Variants in TYR observed in about 807,000 individuals in gnomAD.
The protein encoded by TYR is LB24-AB.
TYR carries 58 observed loss-of-function variants against 51.5 expected under a neutral mutation model. That is an observed-to-expected ratio of 1.13 (90% CI 0.91 to 1.40). The LOEUF is 1.40. TYR is among the 40% of genes most tolerant of loss of function. The pLI, the probability that TYR is intolerant of heterozygous loss-of-function variation, is 0.00. For missense variants in TYR, 732 were observed against 647.4 expected (o/e 1.13, Z -1.42); for synonymous variants, 263 against 235.2 (o/e 1.12, Z -1.08).
chr11:89,244,022 T>C (rs955802582), intron 3 of TYR, among the ~76,000 whole-genome samples: 8 of 152,184 alleles, frequency 5.3e-5, no homozygotes, highest in African/African-American at 1.9e-4. Context: ...GAATTATGCA[T>C]AAATTTTATT....
In TYR at chr11:89,284,907, T is replaced by C. The variant is rs762831445; in HGVS notation, c.1319T>C (p.Ile440Thr). Residue 440 changes from isoleucine to threonine, a missense_variant, in exon 4 of 5, where the codon ATT (isoleucine) becomes ACT (threonine). By Grantham distance (89) the Ile-to-Thr change is moderately conservative (BLOSUM62 -1). Coordinates refer to ENST00000263321, the MANE Select transcript of TYR (RefSeq NM_000372.5). Reference protein sequence around the residue: ...IPLYRNGDFFISSKDLGYDYS... With the variant: ...IPLYRNGDFFTSSKDLGYDYS... ...CTGTACAGAAATGGTGATTTCTTTA[T>C]TTCATCCAAAGATCTGGGCTATGAC... 1.2e-6 allele frequency: 2 copies of C among 1,611,776 alleles called. No homozygotes were observed. The highest frequency in any genetic ancestry group is 3.3e-5 in the Admixed American group (2 of 59,808).
chr11:89,294,795 A>C (rs1944888298), intron 4 of TYR, among the ~76,000 whole-genome samples: 1 of 152,224 alleles, frequency 6.6e-6, no homozygotes, highest in Non-Finnish European at 1.5e-5. Context: ...ACGGTGTTCT[A>C]TTGATAATCG....
At position 89,227,876 on chromosome 11, in the gene TYR, A is replaced by G; in HGVS notation, c.1090A>G (p.Asn364Asp). The G allele has an allele frequency of 1.2e-6, 2 of 1,613,582 alleles. No individual in the cohort carries two copies. The highest frequency in any genetic ancestry group is 1.7e-6 in the Non-Finnish European group (2 of 1,179,710). ...GGATGCCTCTCAAAGCAGCATGCAC[A>G]ATGCCTTGCACATCTATATGAATGG... ...IADASQSSMH[N>D]ALHIYMNGTM... The change falls in exon 3 of 5, where the codon AAT (asparagine) becomes GAT (aspartate). Residue 364 changes from asparagine (N) to aspartate (D), a missense_variant. Asn to Asp is a conservative substitution (Grantham distance 23, BLOSUM62 1). Transcript: ENST00000263321.
rs555826348 is a variant in TYR at position 89,253,994 on chromosome 11, G to C, written c.1184+26024G>C. On this transcript the variant is annotated intron_variant, in intron 3 of 4. Coordinates refer to ENST00000263321, the MANE Select transcript of TYR (RefSeq NM_000372.5). ...ATAGGCTTTTATTACATTGAGGTAT[G>C]TCTCTTGTATGCCAATTTTGATGAA... Among the ~76,000 whole-genome samples the C allele has an allele frequency of 2.0e-5, 3 of 151,736 alleles. No homozygotes were observed. The East Asian group carries it at 5.8e-4, about 29-fold the overall frequency.
intron 2 of TYR, among the ~76,000 whole-genome samples, chr11:89,207,389 A>T (rs1943685793): frequency 6.6e-6 from 1 of 152,114 alleles, no homozygotes; most frequent in Non-Finnish European, 1.5e-5. Context: ...ACTAATTCCT[A>T]AAAAAGCGCA....
chr11:89,240,893 G>C (rs540089028), intron 3 of TYR, among the ~76,000 whole-genome samples: 2 of 152,186 alleles, frequency 1.3e-5, no homozygotes, highest in South Asian at 4.2e-4. Flanking sequence ...TCAGTTTAAG[G>C]TTTGACAAGG....
chr11:89,294,524 G>C (rs1392464958), intron 4 of TYR, among the ~76,000 whole-genome samples: 1 of 152,170 alleles, frequency 6.6e-6, no homozygotes, highest in Non-Finnish European at 1.5e-5. Context: ...CCAGGGTACC[G>C]CGGCACAGGG....
intron 2 of TYR, among the ~76,000 whole-genome samples, chr11:89,219,356 G>A (rs567906748): frequency 6.0e-4 from 90 of 151,240 alleles, no homozygotes; most frequent in South Asian, 1.5e-3. Flanking sequence ...GAGTGCAGTG[G>A]AGCGATCTTG....
chr11:89,222,558 G>A (rs958230098), intron 2 of TYR, among the ~76,000 whole-genome samples: 2 of 152,062 alleles, frequency 1.3e-5, no homozygotes, highest in African/African-American at 4.8e-5. Context: ...GGCCAACATG[G>A]GGAATCCCCA....
At chr11:89,194,902 G>C (rs1943494768) in intron 2 of TYR, among the ~76,000 whole-genome samples, 1 of 152,112 alleles carries the variant, frequency 6.6e-6, no homozygotes, top group Non-Finnish European at 1.5e-5. Context: ...TACCTACAAT[G>C]CTCCAGGCCT....
chr11:89,213,207 T>C (rs1011810375), intron 2 of TYR, among the ~76,000 whole-genome samples: 1 of 152,046 alleles, frequency 6.6e-6, no homozygotes, highest in Non-Finnish European at 1.5e-5. Context: ...CAGCCCAAAA[T>C]CTCCTTAAGC....
chr11:89,265,888 A>T (rs1944520750), intron 3 of TYR, among the ~76,000 whole-genome samples: 1 of 151,840 alleles, frequency 6.6e-6, no homozygotes, highest in Admixed American at 6.6e-5. Flanking sequence ...GGAATAGAGG[A>T]TTAGAAGAGT....
chr11:89,253,227 A>C (rs1288990964), intron 3 of TYR, among the ~76,000 whole-genome samples: 1 of 151,778 alleles, frequency 6.6e-6, no homozygotes, highest in Non-Finnish European at 1.5e-5. Flanking sequence ...GCCTATAAGC[A>C]TTGCATACAG....
intron 3 of TYR, among the ~76,000 whole-genome samples, chr11:89,236,955 G>A (rs1944123460): frequency 6.6e-6 from 1 of 152,082 alleles, no homozygotes; most frequent in Non-Finnish European, 1.5e-5. Flanking sequence ...GGCATTCAGT[G>A]ACCTCAGGTC....
chr11:89,238,807 A>C (rs1944155672), intron 3 of TYR, among the ~76,000 whole-genome samples: 2 of 152,106 alleles, frequency 1.3e-5, no homozygotes, highest in Admixed American at 1.3e-4. Context: ...AAGGATGTTA[A>C]ACTTGTTGAA....
chr11:89,282,481 A>G (rs2135322697), intron 3 of TYR, among the ~76,000 whole-genome samples: 1 of 151,966 alleles, frequency 6.6e-6, no homozygotes, highest in South Asian at 2.1e-4. Context: ...GTGGATGCAT[A>G]TTTTAAAAAC....
chr11:89,235,214 A>G (rs866454782), intron 3 of TYR, among the ~76,000 whole-genome samples: 9 of 152,178 alleles, frequency 5.9e-5, no homozygotes, highest in Non-Finnish European at 1.2e-4. Context: ...CACGGAACAC[A>G]TGCACATTTT....
intron 2 of TYR, among the ~76,000 whole-genome samples, chr11:89,208,618 A>G (rs76494051): frequency 0.025 from 3,837 of 152,302 alleles, 175 homozygotes; most frequent in African/African-American, 0.088. Flanking sequence ...AGAATAAAAT[A>G]ATTGCTCAGT....
intron 2 of TYR, among the ~76,000 whole-genome samples, chr11:89,201,224 AAAG>A (rs1407194386): frequency 1.4e-5 from 2 of 140,680 alleles, no homozygotes; most frequent in African/African-American, 3.1e-5. Flanking sequence ...CATTGGCAAA[AAAG>A]AAAAAAAATA....
Sources: allele counts gnomAD v4.1 joint callset (sites outside exome capture counted in the v4.1 genomes callset), GRCh38; gene constraint gnomAD v4.1.1; transcripts MANE v1.5; gene names NCBI Gene and HGNC (gene_info 2026-07-23, HGNC 2026-07-21).